The following KCTD1 variants were observed in gnomAD, a reference collection of about 807,000 sequenced individuals.
KCTD1 encodes the protein BTB/POZ domain-containing protein KCTD1.
KCTD1 carries 24 observed loss-of-function variants against 66.0 expected under a neutral mutation model. The observed-to-expected ratio is 0.36, with a 90% CI of 0.26 to 0.51. The LOEUF (loss-of-function observed/expected upper bound fraction) is 0.51. KCTD1 is among the 20% of genes least tolerant of loss of function. The probability of loss-of-function intolerance (pLI) is 0.95; values close to 1 mark genes in which losing one functional copy is unlikely to be tolerated. For missense variants in KCTD1, 943 were observed against 1,205.2 expected (o/e 0.78, Z 3.22); for synonymous variants, 511 against 517.2 (o/e 0.99, Z 0.16).
chr18:26,618,403 G>A (rs557638885), intron 1 of KCTD1, among the ~76,000 whole-genome samples: 2 of 152,180 alleles, frequency 1.3e-5, no homozygotes, highest in Non-Finnish European at 2.9e-5. Context: ...GTGGACTAGA[G>A]CCTTTGCTTC....
At chr18:26,527,447 A>C (rs1347354467) in intron 1 of KCTD1, among the ~76,000 whole-genome samples, 2 of 142,314 alleles carry the variant, frequency 1.4e-5, no homozygotes, top group Non-Finnish European at 3.1e-5. Context: ...AGGCTGAAAA[A>C]CACATTTTTA....
intron 1 of KCTD1, among the ~76,000 whole-genome samples, chr18:26,596,933 C>T (rs565546377): frequency 5.3e-5 from 8 of 152,192 alleles, no homozygotes; most frequent in African/African-American, 1.9e-4. Context: ...TCTTTGATTT[C>T]CTCTTTCCCA....
intron 1 of KCTD1, among the ~76,000 whole-genome samples, chr18:26,616,069 G>T (rs1313870131): frequency 6.6e-6 from 1 of 151,886 alleles, no homozygotes; most frequent in African/African-American, 2.4e-5. Flanking sequence ...GGGATTACAG[G>T]CGTGAGCCAC....
chr18:26,465,434 T>A (rs977826981), intron 3 of KCTD1, among the ~76,000 whole-genome samples: 11 of 152,280 alleles, frequency 7.2e-5, no homozygotes, highest in African/African-American at 2.6e-4. Context: ...GTGCCCCTTT[T>A]CTCCTGCCAC....
At chr18:26,586,731 T>C (rs1986480939) in intron 1 of KCTD1, among the ~76,000 whole-genome samples, 1 of 152,206 alleles carries the variant, frequency 6.6e-6, no homozygotes, top group Admixed American at 6.5e-5. Flanking sequence ...TGGAGAAAGT[T>C]TGAGTGGTCC....
At chr18:26,532,061 C>G (rs902717237) in intron 1 of KCTD1, among the ~76,000 whole-genome samples, 6 of 151,936 alleles carry the variant, frequency 3.9e-5, no homozygotes, top group Non-Finnish European at 7.4e-5. Context: ...AGATCTCAGC[C>G]CTTGAGCAAT....
intron 1 of KCTD1, among the ~76,000 whole-genome samples, chr18:26,514,414 T>C (rs573100620): frequency 2.0e-5 from 3 of 151,888 alleles, no homozygotes; most frequent in Admixed American, 6.6e-5. Context: ...TGGCTGGGCG[T>C]AGTGGTCTCA....
At position 26,476,536 on chromosome 18, in the gene KCTD1, G is replaced by A. The variant is rs1192813993; in HGVS notation, c.2112C>T (p.Leu704=). 1 of 1,612,778 alleles carries A rather than the reference G, an allele frequency of 6.2e-7. No homozygotes were observed. The highest frequency in any genetic ancestry group is 8.5e-7 in the Non-Finnish European group (1 of 1,179,594). ...YILNFLRTSK[L]LIPDDFKDYT... is the part of the protein sequence containing the mutation. ...TCACCTTGAAATCATCAGGAATGAG[G>A]AGTTTGGATGTTCGTAGAAAATTCA... Residue 704 remains leucine (L), a synonymous_variant, in exon 3 of 5, where the codon CTC becomes CTT. Coordinates refer to ENST00000580059, the MANE Select transcript of KCTD1 (RefSeq NM_001142730.3). This position sits in a 1 kb window ranked among gnomAD's most constrained non-coding sequence, Gnocchi z 4.9.
chr18:26,624,702 G>A (rs1230424084), intron 1 of KCTD1, among the ~76,000 whole-genome samples: 1 of 152,242 alleles, frequency 6.6e-6, no homozygotes, highest in African/African-American at 2.4e-5. Flanking sequence ...GGGAGATGTG[G>A]GGTCGAGCCC....
chr18:26,486,255 T>C (rs1401136265), intron 2 of KCTD1, among the ~76,000 whole-genome samples: 1 of 152,232 alleles, frequency 6.6e-6, no homozygotes, highest in Non-Finnish European at 1.5e-5. Flanking sequence ...TTGATTTTCC[T>C]GATGGAGAAA....
chr18:26,656,646 C>A (rs1270618982), intron 1 of KCTD1, among the ~76,000 whole-genome samples: 3 of 150,728 alleles, frequency 2.0e-5, no homozygotes, highest in South Asian at 2.1e-4. Flanking sequence ...CCAGTCCGCT[C>A]GGCCGCCACA....
intron 1 of KCTD1, among the ~76,000 whole-genome samples, chr18:26,502,175 G>C (rs1220253634): frequency 6.6e-6 from 1 of 152,182 alleles, no homozygotes; most frequent in African/African-American, 2.4e-5. Context: ...TCAGCCTCCT[G>C]AGTAGCTGGG....
intron 1 of KCTD1, among the ~76,000 whole-genome samples, chr18:26,591,844 T>G (rs1283134828): frequency 6.6e-6 from 1 of 152,192 alleles, no homozygotes; most frequent in African/African-American, 2.4e-5. Flanking sequence ...CAGCCATGAT[T>G]TGGAGTTTAC....
At chr18:26,528,866 T>C (rs1469836681) in intron 1 of KCTD1, among the ~76,000 whole-genome samples, 1 of 152,192 alleles carries the variant, frequency 6.6e-6, no homozygotes, top group Non-Finnish European at 1.5e-5. Context: ...CGGCAACACT[T>C]TTTTTGCTTT....
chr18:26,583,988 T>A (rs558966181), intron 1 of KCTD1, among the ~76,000 whole-genome samples: 1 of 152,344 alleles, frequency 6.6e-6, no homozygotes, highest in African/African-American at 2.4e-5. Context: ...CAAGTTAACA[T>A]CAGTCCACAG....
In KCTD1 at chr18:26,547,085, C is replaced by G. The variant is rs1985273452; in HGVS notation, c.1452G>C (p.Leu484=). Residue 484 remains leucine (L), a synonymous_variant, in exon 1 of 5, where the codon CTG becomes CTC. Transcript: ENST00000580059. The stretch of plus-strand genomic sequence containing the variant: ...GGGAGTGGTGCCGTGCCGCCCCGTT[C>G]AGAGCCTCGGCGTAGCAGCCCTGCG... The part of the protein sequence containing the change: ...PAPQGCYAEA[L]NGAARHHSHH... 1 of 1,543,226 alleles carries G rather than the reference C, an allele frequency of 6.5e-7. No homozygotes were observed. Among genetic ancestry groups the G allele is most frequent in the East Asian group, 2.4e-5 (1 of 40,846 alleles).
chr18:26,627,976 C>T (rs1987538849), intron 1 of KCTD1, among the ~76,000 whole-genome samples: 2 of 152,304 alleles, frequency 1.3e-5, no homozygotes, highest in African/African-American at 4.8e-5. Flanking sequence ...CTGCAGGCTG[C>T]CGGGAGGTTG....
intron 1 of KCTD1, among the ~76,000 whole-genome samples, chr18:26,606,563 G>T (rs1290339210): frequency 6.6e-6 from 1 of 152,200 alleles, no homozygotes; most frequent in Non-Finnish European, 1.5e-5. Context: ...AAGAGGCCGT[G>T]TGTGCTTCAG....
chr18:26,594,132 C>T (rs999433804), intron 1 of KCTD1, among the ~76,000 whole-genome samples: 6 of 152,200 alleles, frequency 3.9e-5, no homozygotes, highest in African/African-American at 1.4e-4. Context: ...TCCTCTTCTG[C>T]TCTCCAGGCA....
Sources: allele counts gnomAD v4.1 joint callset (sites outside exome capture counted in the v4.1 genomes callset), GRCh38; gene constraint gnomAD v4.1.1; non-coding constraint Gnocchi (gnomAD v3.1); transcripts MANE v1.5; gene names NCBI Gene and HGNC (gene_info 2026-07-23, HGNC 2026-07-21).